The following VWA8 variants were observed in gnomAD, a reference collection of about 807,000 sequenced individuals.
VWA8 encodes von Willebrand factor A domain containing 8, also known as von Willebrand factor A domain-containing protein 8.
A neutral mutation model predicts 241.5 loss-of-function variants in VWA8; 221 were observed. The observed-to-expected ratio is 0.91, with a 90% CI of 0.82 to 1.02. The LOEUF (loss-of-function observed/expected upper bound fraction) is 1.02, where lower values mean the gene tolerates loss of function less well. Among genes scored for constraint, VWA8 ranks in the 50% least tolerant of loss-of-function variants. The pLI is 0.00. For synonymous variants in VWA8, 852 were observed against 827.1 expected (o/e 1.03, Z -0.52); for missense variants, 2,322 against 2,328.7 (o/e 1.00, Z 0.06).
At chr13:41,833,556 C>A (rs773877644) in intron 12 of VWA8, 25 bp from the exon 13 acceptor site, 2 of 1,577,414 alleles carry the variant, frequency 1.3e-6, no homozygotes, top group East Asian at 2.3e-5. Context: ...CACCACCCAA[C>A]AAAGAACATG....
intron 9 of VWA8, among the ~76,000 whole-genome samples, chr13:41,882,792 T>A (rs1257635129): frequency 1.6e-5 from 2 of 127,986 alleles, no homozygotes; most frequent in Non-Finnish European, 3.3e-5. Context: ...AGGGAGACCG[T>A]GGAAAGAGAG....
intron 21 of VWA8, among the ~76,000 whole-genome samples, chr13:41,758,368 GCATATATATATATATATATATATA>G (rs2045709421): frequency 1.1e-4 from 4 of 34,980 alleles, no homozygotes; most frequent in South Asian, 1.0e-3. Flanking sequence ...ATAGATACTA[GCATATATATATATATATATATATA>G]CGCTAGTATA....
chr13:41,865,102 G>GA (rs373627066), intron 12 of VWA8, among the ~76,000 whole-genome samples: 2 of 151,558 alleles, frequency 1.3e-5, no homozygotes, highest in African/African-American at 4.9e-5. Flanking sequence ...CACTGTAGCT[G>GA]AAACCTATTT....
At chr13:41,838,162 A>G (rs1201584185) in intron 12 of VWA8, among the ~76,000 whole-genome samples, 1 of 152,176 alleles carries the variant, frequency 6.6e-6, no homozygotes, top group Non-Finnish European at 1.5e-5. Flanking sequence ...AAGCAATGAT[A>G]TGCTTTAAAT....
rs570104986 is a variant in VWA8 at position 41,758,132 on chromosome 13, G to A, written c.2426+2996C>T. On this transcript the variant is annotated intron_variant, in intron 21 of 44. Transcript: ENST00000379310. ...GATAAGGGGAAGAATTTACTACGAC[G>A]GAAGCTCATCATCTCACAAGTATGA... is the stretch of plus-strand genomic sequence containing the variant. Among the ~76,000 whole-genome samples, 21 of 151,020 alleles carry A rather than the reference G, an allele frequency of 1.4e-4. No individual in the cohort carries two copies. In the South Asian group the frequency reaches 2.1e-3, roughly 15 times the overall value.
intron 4 of VWA8, among the ~76,000 whole-genome samples, chr13:41,899,953 G>A (rs1019427253): frequency 3.9e-5 from 6 of 152,198 alleles, no homozygotes; most frequent in Admixed American, 2.0e-4. Flanking sequence ...TCATACCTAC[G>A]TTTCATCTCC....
intron 37 of VWA8, among the ~76,000 whole-genome samples, chr13:41,620,353 T>C (rs2044648435): frequency 6.6e-6 from 1 of 152,182 alleles, no homozygotes; most frequent in Non-Finnish European, 1.5e-5. Flanking sequence ...ATTTGATTCT[T>C]CTCTCTTTTC....
intron 37 of VWA8, among the ~76,000 whole-genome samples, chr13:41,615,422 G>A (rs768809525): frequency 1.4e-4 from 22 of 152,298 alleles, no homozygotes; most frequent in Non-Finnish European, 2.8e-4. Context: ...GATCTCACTG[G>A]AGAGGGGTAT....
chr13:41,579,855 G>T (rs1316111248), intron 42 of VWA8, among the ~76,000 whole-genome samples: 2 of 151,994 alleles, frequency 1.3e-5, no homozygotes, highest in Non-Finnish European at 2.9e-5. Context: ...TTTATTTTTT[G>T]ATTTTCTTTT....
chr13:41,755,286 T>C (rs2045686492), intron 21 of VWA8, among the ~76,000 whole-genome samples: 2 of 152,062 alleles, frequency 1.3e-5, no homozygotes. Context: ...ATTGACTGAC[T>C]TTTGGATACA....
intron 26 of VWA8, among the ~76,000 whole-genome samples, chr13:41,718,702 T>C (rs1164583933): frequency 6.6e-6 from 1 of 151,396 alleles, no homozygotes; most frequent in East Asian, 1.9e-4. Flanking sequence ...GGAGATTATA[T>C]ATATATATAT....
At chr13:41,769,176 G>C (rs1432760456) in intron 20 of VWA8, among the ~76,000 whole-genome samples, 1 of 152,180 alleles carries the variant, frequency 6.6e-6, no homozygotes, top group Admixed American at 6.5e-5. Context: ...CGAAGTGCTG[G>C]GATTACAGGT....
chr13:41,729,064 G>A (rs1405530109), intron 23 of VWA8, among the ~76,000 whole-genome samples: 2 of 151,990 alleles, frequency 1.3e-5, no homozygotes, highest in Non-Finnish European at 2.9e-5. Flanking sequence ...GGGTGTGTGT[G>A]GGAGGGGGGC....
At chr13:41,775,622 A>G (rs1343770537) in intron 20 of VWA8, among the ~76,000 whole-genome samples, 1 of 152,138 alleles carries the variant, frequency 6.6e-6, no homozygotes, top group Non-Finnish European at 1.5e-5. Flanking sequence ...GAGTCCAACC[A>G]TCTACCTATG....
At chr13:41,841,808 A>AT (rs1872035935) in intron 12 of VWA8, among the ~76,000 whole-genome samples, 8 of 31,420 alleles carry the variant, frequency 2.5e-4, no homozygotes, top group Admixed American at 6.7e-4. Context: ...AAAAAAAAAA[A>AT]AAAAAAAAAA....
Position 41,689,513 on chromosome 13 carries a change from A to G in VWA8, c.3977-5T>C, listed in dbSNP as rs745937647. 6.9e-6 allele frequency: 11 copies of G among 1,603,314 alleles called. No individual in the cohort carries two copies. Among genetic ancestry groups the G allele is most frequent in the Non-Finnish European group, 9.4e-6 (11 of 1,175,720 alleles). Reference sequence around the variant, plus strand: ...GAGGTATGCTGAACTCTGTTTCTGAAAAGTACAAACATTAGACACCATATG... The same window carrying G: ...GAGGTATGCTGAACTCTGTTTCTGAGAAGTACAAACATTAGACACCATATG... On this transcript the variant is annotated splice_polypyrimidine_tract_variant and splice_region_variant and intron_variant, in intron 33 of 44. Coordinates refer to ENST00000379310, the MANE Select transcript of VWA8 (RefSeq NM_015058.2).
chr13:41,833,474 C>A lies in VWA8; in HGVS notation c.1483G>T (p.Ala495Ser). 6.2e-7 allele frequency: 1 copy of A among 1,613,986 alleles called. No homozygotes were observed. The highest frequency in any genetic ancestry group is 8.5e-7 in the Non-Finnish European group (1 of 1,179,934). The change falls in exon 13 of 45, where the codon GCC becomes TCC. Residue 495 changes from alanine (A) to serine (S), a missense_variant. Coordinates refer to ENST00000379310, the MANE Select transcript of VWA8 (RefSeq NM_015058.2). ...QRYTLPNGDT[A>S]WRSSPLVNAA... Reference sequence around the variant, plus strand: ...TTCACAAGGGGTGAGGACCGCCAGGCAGTGTCTCCATTTGGAAGGGTGTAT... The same window carrying A: ...TTCACAAGGGGTGAGGACCGCCAGGAAGTGTCTCCATTTGGAAGGGTGTAT...
intron 30 of VWA8, among the ~76,000 whole-genome samples, chr13:41,692,650 G>A (rs1356894363): frequency 6.6e-6 from 1 of 151,996 alleles, no homozygotes; most frequent in Non-Finnish European, 1.5e-5. Context: ...CTTCATGCAA[G>A]TATAATGTCA....
intron 2 of VWA8, among the ~76,000 whole-genome samples, chr13:41,929,151 ATTTTTTTTTTTTT>A (rs367906772): frequency 7.9e-6 from 1 of 126,662 alleles, no homozygotes; most frequent in Non-Finnish European, 1.7e-5. Flanking sequence ...CTTGACTTTA[ATTTTTTTTTTTTT>A]TTTTTTTTTG....
Sources: allele counts gnomAD v4.1 joint callset (sites outside exome capture counted in the v4.1 genomes callset), GRCh38; gene constraint gnomAD v4.1.1; transcripts MANE v1.5; gene names NCBI Gene and HGNC (gene_info 2026-07-23, HGNC 2026-07-21).